The following SH3KBP1 variants were observed in gnomAD, a reference collection of about 807,000 sequenced individuals.
SH3KBP1 encodes SH3 domain containing kinase binding protein 1.
SH3KBP1 carries 8 observed loss-of-function variants against 50.1 expected under a neutral mutation model. The ratio of observed to expected loss-of-function variants is 0.16; its 90% CI spans 0.09 to 0.29. The LOEUF (loss-of-function observed/expected upper bound fraction) is 0.29, where lower values mean the gene tolerates loss of function less well. Ranked by LOEUF, SH3KBP1 falls within the 10% of genes least tolerant of loss-of-function variation. The pLI, the probability that SH3KBP1 is intolerant of heterozygous loss-of-function variation, is 1.00. For synonymous variants in SH3KBP1, 227 were observed against 218.6 expected (o/e 1.04, Z -0.34); for missense variants, 377 against 535.2 (o/e 0.70, Z 2.92).
Position 19,760,041 on chromosome X carries a change from CCTCTCTCTCT to C in SH3KBP1, c.163-13610_163-13601del, listed in dbSNP as rs745515349. Among the ~76,000 whole-genome samples the C allele has an allele frequency of 6.8e-3, 343 of 50,447 alleles. 13 individuals are homozygous for C. The East Asian group carries it at 0.14, about 20-fold the overall frequency. 43.8% of individuals were successfully genotyped at this position (50,447 alleles called of 115,157 possible). On this transcript the variant is annotated intron_variant, in intron 2 of 17. Transcript: ENST00000397821. The stretch of plus-strand genomic sequence containing the variant: ...TCTCTCTCCTCTCTCTCTCTCTCTC[CCTCTCTCTCT>C]CTCTCTCTCTCTCTCTCTCTCTCTC...
chrX:19,852,614 T>A (rs1443630334), intron 1 of SH3KBP1, among the ~76,000 whole-genome samples: 1 of 100,118 alleles, frequency 1.0e-5, no homozygotes, highest in Admixed American at 1.1e-4. Flanking sequence ...GAGACATATG[T>A]TCCAGATACT....
At chrX:19,537,692 G>A in intron 17 of SH3KBP1, 25 bp downstream of exon 17, 15 of 1,196,569 alleles carry the variant, frequency 1.3e-5, no homozygotes, top group Non-Finnish European at 1.7e-5. Flanking sequence ...AGGACTCACG[G>A]GCAGCAGAAC....
At chrX:19,804,968 A>C (rs2067001839) in intron 2 of SH3KBP1, among the ~76,000 whole-genome samples, 1 of 103,945 alleles carries the variant, frequency 9.6e-6, no homozygotes, top group Non-Finnish European at 2.0e-5. Flanking sequence ...AGGCAGCCTA[A>C]GGCTACACTG....
chrX:19,568,779 C>T (rs1237166887), intron 13 of SH3KBP1, among the ~76,000 whole-genome samples: 3 of 113,061 alleles, frequency 2.7e-5, no homozygotes, highest in African/African-American at 9.6e-5. Flanking sequence ...CACCTTTTTA[C>T]ACAAAATACA....
At chrX:19,583,102 AT>A (rs1329535820) in intron 12 of SH3KBP1, among the ~76,000 whole-genome samples, 1 of 104,219 alleles carries the variant, frequency 9.6e-6, no homozygotes, top group African/African-American at 3.5e-5. Context: ...AGAGGAACCC[AT>A]TTTTATTCAA....
chrX:19,770,097 A>G (rs1603225610), intron 2 of SH3KBP1, among the ~76,000 whole-genome samples: 1 of 112,065 alleles, frequency 8.9e-6, no homozygotes, highest in East Asian at 2.8e-4. Flanking sequence ...TTTGTTATAT[A>G]GGTAAACTAG....
intron 1 of SH3KBP1, among the ~76,000 whole-genome samples, chrX:19,874,337 G>A (rs1177470757): frequency 1.1e-5 from 1 of 94,852 alleles, no homozygotes; most frequent in Non-Finnish European, 2.1e-5. Context: ...TGGGGTTCCG[G>A]GGAGAGAACT....
At chrX:19,825,485 C>T (rs2067645248) in intron 2 of SH3KBP1, among the ~76,000 whole-genome samples, 1 of 111,588 alleles carries the variant, frequency 9.0e-6, no homozygotes, top group Non-Finnish European at 1.9e-5. Context: ...TCTCTTTGCT[C>T]CTCACTAGTT....
At chrX:19,873,273 CATATATATATATATATGTATAT>C (rs1448115367) in intron 1 of SH3KBP1, among the ~76,000 whole-genome samples, 3 of 78,619 alleles carry the variant, frequency 3.8e-5, no homozygotes, top group Admixed American at 1.4e-4. Flanking sequence ...AAAACAAGGA[CATATATATATATATATGTATAT>C]ATATATATAT....
rs181984143 is a variant in SH3KBP1 at position 19,740,267 on chromosome X, C to G, written c.286+6051G>C. ...GTCAGGGATCAGTTAGTTTAAAAGA[C>G]TTCTTTAAAGGCTCTTGACTCCAGA... On this transcript the variant is annotated intron_variant, in intron 3 of 17. Transcript: ENST00000397821. Among the ~76,000 whole-genome samples the G allele has an allele frequency of 1.8e-3, 198 of 112,007 alleles. 3 individuals are homozygous for G. Among genetic ancestry groups the G allele is most frequent in the African/African-American group, 6.2e-3 (191 of 30,853 alleles).
In SH3KBP1 at chrX:19,800,826, T is replaced by G. The variant is rs2066868107; in HGVS notation, c.162+35299A>C. Among the ~76,000 whole-genome samples the G allele has an allele frequency of 6.3e-5, 7 of 111,890 alleles. No homozygotes were observed. The Admixed American group carries it at 6.6e-4, about 11-fold the overall frequency. ...GTCACTCAGCCAGGATGAACTGGGA[T>G]TGGTCTGCCTTCCCCCAGATAACAA... On this transcript the variant is annotated intron_variant, in intron 2 of 17. Transcript: ENST00000397821.
intron 8 of SH3KBP1, among the ~76,000 whole-genome samples, chrX:19,626,407 AATG>A (rs1314362348): frequency 8.9e-6 from 1 of 111,858 alleles, no homozygotes; most frequent in African/African-American, 3.3e-5. Flanking sequence ...TGAATGAATG[AATG>A]AATGAGTGAA....
In SH3KBP1 at chrX:19,545,965, A is replaced by G. The variant is rs770562366; in HGVS notation, c.1580T>C (p.Val527Ala). 8.3e-6 allele frequency: 10 copies of G among 1,209,679 alleles called. No individual in the cohort carries two copies. The South Asian group carries it at 1.1e-4, about 13-fold the overall frequency. ...CTTGGAAGTTTTCTTTGACGCGTCC[A>G]CTCCTCTGTGCGCAAGTGAAATGTG... ...EEHISLAHRG[V>A]DASKKTSKTV... The change falls in exon 15 of 18, where the codon GTG becomes GCG. Residue 527 changes from valine (V) to alanine (A), a missense_variant. Val to Ala is a moderately conservative substitution (Grantham distance 64). Around this residue, in one of 3 missense-constraint regions of SH3KBP1, gnomAD observed 110 missense variants for 124.1 expected, o/e 0.89. Coordinates refer to ENST00000397821, the MANE Select transcript of SH3KBP1 (RefSeq NM_031892.3).
intron 6 of SH3KBP1, among the ~76,000 whole-genome samples, chrX:19,668,526 T>C (rs1335451375): frequency 1.9e-5 from 2 of 107,088 alleles, no homozygotes; most frequent in Non-Finnish European, 3.9e-5. Context: ...GAGTGATGTG[T>C]GTACTGCATG....
At chrX:19,729,590 C>A (rs1455585790) in intron 3 of SH3KBP1, among the ~76,000 whole-genome samples, 1 of 111,995 alleles carries the variant, frequency 8.9e-6, no homozygotes, top group Non-Finnish European at 1.9e-5. Context: ...GTGGGTCATT[C>A]CTGGATTTCA....
intron 2 of SH3KBP1, among the ~76,000 whole-genome samples, chrX:19,829,007 G>A (rs2067778727): frequency 9.0e-6 from 1 of 111,185 alleles, no homozygotes; most frequent in Non-Finnish European, 1.9e-5. Flanking sequence ...CCCAATGGAA[G>A]CCACAACTTT....
chrX:19,785,586 G>A, intron 2 of SH3KBP1, among the ~76,000 whole-genome samples: 1 of 111,508 alleles, frequency 9.0e-6, no homozygotes, highest in Non-Finnish European at 1.9e-5. Context: ...GGGTAATAGT[G>A]TGCTGAGGCA....
intron 1 of SH3KBP1, among the ~76,000 whole-genome samples, chrX:19,853,761 G>A (rs1477227052): frequency 1.8e-5 from 2 of 110,904 alleles, no homozygotes; most frequent in Non-Finnish European, 3.8e-5. Context: ...TCAGGAGTTC[G>A]AGACCAGCCT....
intron 12 of SH3KBP1, among the ~76,000 whole-genome samples, chrX:19,570,328 A>G (rs769377515): frequency 9.0e-6 from 1 of 111,716 alleles, no homozygotes; most frequent in Admixed American, 9.5e-5. Flanking sequence ...GTTACACTTG[A>G]GCCTTGGAGG....
Sources: allele counts gnomAD v4.1 joint callset (sites outside exome capture counted in the v4.1 genomes callset), GRCh38; gene constraint gnomAD v4.1.1; regional missense constraint gnomAD v4.1.1; transcripts MANE v1.5; gene names NCBI Gene and HGNC (gene_info 2026-07-23, HGNC 2026-07-21).